DEPDC1: variants seen among roughly 807,000 people sequenced by gnomAD.
The protein encoded by DEPDC1 is DEP domain containing 1, also known as DEP domain-containing protein 1A.
Under a neutral mutation model 86.8 loss-of-function variants are expected in DEPDC1, and 66 were observed. That is an observed-to-expected ratio of 0.76 (90% CI 0.62 to 0.93). DEPDC1 has a LOEUF of 0.93. Ranked by LOEUF, DEPDC1 falls within the 40% of genes least tolerant of loss-of-function variation. The pLI is 0.00. For missense variants in DEPDC1, 792 were observed against 935.7 expected (o/e 0.85, Z 2.00); for synonymous variants, 255 against 314.9 (o/e 0.81, Z 2.02).
intron 10 of DEPDC1, among the ~76,000 whole-genome samples, chr1:68,478,563 G>T (rs943744756): frequency 6.6e-6 from 1 of 151,682 alleles, no homozygotes; most frequent in African/African-American, 2.4e-5. Context: ...AGAATGGTAT[G>T]TATGGGAAAA....
intron 6 of DEPDC1, among the ~76,000 whole-genome samples, chr1:68,484,910 A>T (rs1557619647): frequency 6.6e-6 from 1 of 150,798 alleles, no homozygotes; most frequent in East Asian, 1.9e-4. Context: ...TAACCTGAGA[A>T]TCTTCACTAT....
chr1:68,475,647 G>GAAAC lies in DEPDC1; in HGVS notation c.*1281_*1284dup, dbSNP rs1476229096. ...TTCTTTACACTTAAGGAATAGATAT[G>GAAAC]AAACAATCTTGGAGTAAAAATTAGA... On this transcript the variant is annotated 3_prime_UTR_variant, in exon 12 of 12. Coordinates refer to ENST00000456315, the MANE Select transcript of DEPDC1 (RefSeq NM_001114120.3). 1 of 151,758 alleles carries GAAAC rather than the reference G, an allele frequency of 6.6e-6. No individual in the cohort carries two copies. The highest frequency in any genetic ancestry group is 1.9e-4 in the East Asian group (1 of 5,182). 9.4% of individuals were successfully genotyped at this position (151,758 alleles called of 1,614,324 possible).
In DEPDC1 at chr1:68,496,601, C is replaced by T. The variant is rs928925637; in HGVS notation, c.48+351G>A. ...TCCCAATTGTTCCCTAATTCTGAGG[C>T]GGGTAGAAAATCAGGCGAGGTGAGC... On this transcript the variant is annotated intron_variant, in intron 1 of 11. Coordinates refer to ENST00000456315, the MANE Select transcript of DEPDC1 (RefSeq NM_001114120.3). This position sits in a 1 kb window ranked among gnomAD's most constrained non-coding sequence, Gnocchi z 4.0. The T allele has an allele frequency of 3.1e-5, 8 of 256,918 alleles. No homozygotes were observed. The highest frequency in any genetic ancestry group is 1.1e-4 in the African/African-American group (5 of 45,326). 15.9% of individuals were successfully genotyped at this position (256,918 alleles called of 1,614,324 possible).
rs149513392 is a variant in DEPDC1, at chr1:68,481,498, C to T, written c.1877G>A (p.Arg626Gln). The change falls in exon 9 of 12, where the codon CGA (arginine) becomes CAA (glutamine). Residue 626 changes from arginine (R) to glutamine (Q), a missense_variant. Physicochemically the swap from Arg to Gln is conservative, Grantham distance 43. Coordinates refer to ENST00000456315, the MANE Select transcript of DEPDC1 (RefSeq NM_001114120.3). The part of the protein sequence containing the change: ...KLQLLMRMIS[R>Q]MSQNVDMPKL... ...GGGCATATCAACATTTTGACTCATT[C>T]GGGAAATCATACGCATTAAAAGTTG... is the stretch of plus-strand genomic sequence containing the variant. The T allele has an allele frequency of 1.9e-5, 30 of 1,612,404 alleles. 1 individual carries two copies. Among genetic ancestry groups the T allele is most frequent in the South Asian group, 7.7e-5 (7 of 90,982 alleles).
At chr1:68,484,245 T>A (rs1363971573) in intron 6 of DEPDC1, among the ~76,000 whole-genome samples, 155 bp from the exon 7 acceptor site, 2 of 152,110 alleles carry the variant, frequency 1.3e-5, no homozygotes, top group Non-Finnish European at 2.9e-5. Flanking sequence ...TATTTCATTC[T>A]TCCTCATTAT....
chr1:68,482,710 C>T lies in DEPDC1; in HGVS notation c.1098G>A (p.Gln366=). 2 of 1,612,552 alleles carry T rather than the reference C, an allele frequency of 1.2e-6. No homozygotes were observed. The highest frequency in any genetic ancestry group is 2.2e-5 in the South Asian group (2 of 90,954). The change falls in exon 8 of 12, where the codon CAG becomes CAA. Residue 366 remains glutamine, a synonymous_variant. Transcript: ENST00000456315. The stretch of plus-strand genomic sequence containing the variant: ...TTTCTTGAAATCCTGGATTGCTTAT[C>T]TGTAGTCTCTCAGTAGAATCTGATT... ...KEESDSTERL[Q]ISNPGFQERC...
At chr1:68,481,757 G>T (rs1419635382) in intron 8 of DEPDC1, 145 bp from the exon 9 acceptor site, 4 of 704,732 alleles carry the variant, frequency 5.7e-6, no homozygotes, top group Non-Finnish European at 8.7e-6. Flanking sequence ...TTCCTCTAAA[G>T]CATGGTAAGA....
Position 68,497,064 on chromosome 1 carries a change from C to A in DEPDC1, c.-65G>T. On this transcript the variant is annotated 5_prime_UTR_variant, in exon 1 of 12. Transcript: ENST00000456315. ...CGACACTCAGGCCCAGCGGCCGCGGCAGTGGCGAGTCTCGGCACAACCGTT... is the reference window on the plus strand; with the variant it reads ...CGACACTCAGGCCCAGCGGCCGCGGAAGTGGCGAGTCTCGGCACAACCGTT... 6.4e-7 allele frequency: 1 copy of A among 1,569,858 alleles called. No individual in the cohort carries two copies. The highest frequency in any genetic ancestry group is 8.7e-7 in the Non-Finnish European group (1 of 1,143,926).
At chr1:68,488,552 T>C in intron 4 of DEPDC1, 48 bp from the exon 5 acceptor site, 2 of 1,452,686 alleles carry the variant, frequency 1.4e-6, no homozygotes, top group Non-Finnish European at 1.9e-6. Flanking sequence ...AAATAGATTA[T>C]ACATATGAAT....
chr1:68,483,923 A>C, intron 7 of DEPDC1, 27 bp downstream of exon 7: 1 of 1,336,406 alleles, frequency 7.5e-7, no homozygotes, highest in Non-Finnish European at 1.0e-6. Flanking sequence ...AACAAAATGA[A>C]CTAAAATCAG....
rs115356775 is a variant in DEPDC1 at position 68,477,096 on chromosome 1, G to C, written c.2299-27C>G. ...TTAAAAATGAGGTGAGAAATTAGAA[G>C]GTATTTAACATTATTTCCCAAGCTG... On this transcript the variant is annotated intron_variant, in intron 11 of 11. Coordinates refer to ENST00000456315, the MANE Select transcript of DEPDC1 (RefSeq NM_001114120.3). 2.0e-3 allele frequency: 3,089 copies of C among 1,552,052 alleles called. 49 individuals carry two copies. The African/African-American group carries it at 0.037, about 18-fold the overall frequency.
At chr1:68,483,509 A>G (rs1571198391) in intron 7 of DEPDC1, 1 of 332,908 alleles carries the variant, frequency 3.0e-6, no homozygotes, top group Non-Finnish European at 5.8e-6. Flanking sequence ...TTAAACTTCA[A>G]TTAAAACTCT....
In DEPDC1 at chr1:68,489,492, G is replaced by T; in HGVS notation, c.431C>A (p.Ser144Tyr). ...KDSIFKLRNL[S>Y]RRTPKRHGLH... ...TCCATGCCTTTTAGGAGTTCTACGA[G>T]ATAAGTTTCGTAATTTAAAAATGCT... The change falls in exon 3 of 12, where the codon TCT becomes TAT. Residue 144 changes from serine to tyrosine, a missense_variant. By Grantham distance (144) the Ser-to-Tyr change is moderately radical. Transcript: ENST00000456315. The T allele has an allele frequency of 6.5e-7, 1 of 1,531,644 alleles. No homozygotes were observed. The highest frequency in any genetic ancestry group is 1.3e-5 in the South Asian group (1 of 75,666). 94.9% of individuals were successfully genotyped at this position (1,531,644 alleles called of 1,614,324 possible).
At chr1:68,488,296 TGG>T in intron 5 of DEPDC1, 76 bp downstream of exon 5, 2 of 1,322,110 alleles carry the variant, frequency 1.5e-6, no homozygotes, top group South Asian at 3.6e-5. Flanking sequence ...TTTCAATATT[TGG>T]GTCTCTCTTT....
chr1:68,478,783 T>C (rs574222193), intron 10 of DEPDC1, among the ~76,000 whole-genome samples: 10 of 152,158 alleles, frequency 6.6e-5, no homozygotes, highest in East Asian at 3.9e-4. Flanking sequence ...ACCTAAACGA[T>C]GCATATTTAA....
Position 68,482,866 on chromosome 1 carries a change from T to A in DEPDC1, c.942A>T (p.Arg314Ser), listed in dbSNP as rs1169609033. The part of the protein sequence containing the change: ...VVCGYITVSD[R>S]SSGIHKIQDD... ...CTTGAATTTTATGTATCCCACTGGATCTATCTGAAACTGTGATGTAGCCAC... is the reference window on the plus strand; with the variant it reads ...CTTGAATTTTATGTATCCCACTGGAACTATCTGAAACTGTGATGTAGCCAC... Residue 314 changes from arginine (R) to serine (S), a missense_variant, in exon 8 of 12, where the codon AGA becomes AGT. Physicochemically the swap from Arg to Ser is moderately radical, Grantham distance 110 (BLOSUM62 -1). Transcript: ENST00000456315. 6.3e-7 allele frequency: 1 copy of A among 1,597,078 alleles called. No homozygotes were observed. The highest frequency in any genetic ancestry group is 1.7e-5 in the Admixed American group (1 of 57,348).
In DEPDC1 at chr1:68,489,541, C is replaced by CT; in HGVS notation, c.381dup (p.Glu128ArgfsTer7). ...CTATCTTTATCTTTGGAAAAGTTCT[C>CT]TATGTTGTTTTTTCTCAATTCTGGA... On this transcript the variant is annotated frameshift_variant, in exon 3 of 12. Transcript: ENST00000456315. LOFTEE classifies it high-confidence loss of function. The CT allele has an allele frequency of 1.3e-6, 2 of 1,541,194 alleles. No individual in the cohort carries two copies. The highest frequency in any genetic ancestry group is 1.7e-6 in the Non-Finnish European group (2 of 1,154,322).
intron 6 of DEPDC1, among the ~76,000 whole-genome samples, chr1:68,485,859 C>A (rs1329728549): frequency 6.6e-6 from 1 of 151,696 alleles, no homozygotes; most frequent in African/African-American, 2.4e-5. Context: ...ATAAAGTTAC[C>A]CTGAACATTA....
rs189848362 is a variant in DEPDC1, at chr1:68,482,556, G to A, written c.1252C>T (p.Pro418Ser). 1 of 1,613,120 alleles carries A rather than the reference G, an allele frequency of 6.2e-7. No homozygotes were observed. Among genetic ancestry groups the A allele is most frequent in the African/African-American group, 1.3e-5 (1 of 74,982 alleles). ...ATTCCTTCCAAAGAACAGCACCTTG[G>A]TTTGCTGTTAGAGGATAGATCATGC... is the stretch of plus-strand genomic sequence containing the variant. Reference protein sequence around the residue: ...NMHDLSSNSKPRCCSLEGIVD... With the variant: ...NMHDLSSNSKSRCCSLEGIVD... The change falls in exon 8 of 12, where the codon CCA (proline) becomes TCA (serine). Residue 418 changes from proline to serine, a missense_variant. Transcript: ENST00000456315.
Sources: gnomAD v4.1 joint callset for allele counts (sites outside exome capture counted in the v4.1 genomes callset) on GRCh38, gnomAD v4.1.1 for gene constraint, Gnocchi (gnomAD v3.1) non-coding constraint, MANE v1.5 for transcripts, NCBI Gene and HGNC (gene_info 2026-07-23, HGNC 2026-07-21) for gene names.